DDR2: variants seen among roughly 807,000 people sequenced by gnomAD.
DDR2 encodes the protein discoidin domain-containing receptor 2.
DDR2 carries 27 observed loss-of-function variants against 94.9 expected under a neutral mutation model. The ratio of observed to expected loss-of-function variants is 0.28; its 90% CI spans 0.21 to 0.39. The LOEUF (loss-of-function observed/expected upper bound fraction) is 0.39. DDR2 is among the 10% of genes least tolerant of loss of function. DDR2 has a pLI of 1.00. For missense variants in DDR2, 783 were observed against 1,076.0 expected (o/e 0.73, Z 3.81); for synonymous variants, 382 against 377.2 (o/e 1.01, Z -0.15).
intron 3 of DDR2, among the ~76,000 whole-genome samples, chr1:162,745,199 C>T (rs1022504688): frequency 3.3e-5 from 5 of 152,136 alleles, no homozygotes; most frequent in Admixed American, 3.3e-4. Flanking sequence ...TGTTTCCTAT[C>T]AAGTTGTATG....
intron 2 of DDR2, among the ~76,000 whole-genome samples, chr1:162,699,609 T>C (rs1398609294): frequency 2.0e-5 from 3 of 152,222 alleles, no homozygotes; most frequent in African/African-American, 7.2e-5. Flanking sequence ...TTGGATACAG[T>C]TATGCCATTC....
At chr1:162,748,451 CTA>C (rs1241281592) in intron 3 of DDR2, among the ~76,000 whole-genome samples, 2 of 152,242 alleles carry the variant, frequency 1.3e-5, no homozygotes, top group South Asian at 2.1e-4. Context: ...GAAGAGCTAA[CTA>C]TCCTAAATAT....
At chr1:162,746,741 A>T (rs772307571) in intron 3 of DDR2, among the ~76,000 whole-genome samples, 1 of 152,220 alleles carries the variant, frequency 6.6e-6, no homozygotes, top group Admixed American at 6.5e-5. Context: ...CAGACACCTC[A>T]TACAGCTGGG....
intron 3 of DDR2, among the ~76,000 whole-genome samples, chr1:162,724,489 T>C (rs1287149747): frequency 6.6e-6 from 1 of 152,124 alleles, no homozygotes; most frequent in African/African-American, 2.4e-5. Flanking sequence ...ACCCAGAAAC[T>C]GAAGCACCAG....
intron 3 of DDR2, among the ~76,000 whole-genome samples, chr1:162,729,108 A>C (rs1661867191): frequency 6.6e-6 from 1 of 150,860 alleles, no homozygotes; most frequent in Non-Finnish European, 1.5e-5. Context: ...CAAGCAGATG[A>C]TGCAGGAGGA....
chr1:162,740,610 A>G (rs542950820), intron 3 of DDR2, among the ~76,000 whole-genome samples: 2 of 152,164 alleles, frequency 1.3e-5, no homozygotes, highest in Non-Finnish European at 2.9e-5. Context: ...CCTTTTGCAT[A>G]CTTTTTCTTC....
intron 2 of DDR2, among the ~76,000 whole-genome samples, chr1:162,661,493 C>G (rs1421579610): frequency 6.6e-6 from 1 of 152,152 alleles, no homozygotes; most frequent in Non-Finnish European, 1.5e-5. Context: ...CCACCTGTCT[C>G]TTATTTGGGT....
intron 3 of DDR2, among the ~76,000 whole-genome samples, chr1:162,749,074 T>C (rs562403608): frequency 2.6e-5 from 4 of 151,918 alleles, no homozygotes; most frequent in Non-Finnish European, 5.9e-5. Context: ...AAATTGACAC[T>C]CTAACATCAC....
intron 16 of DDR2, 57 bp from the exon 17 acceptor site, chr1:162,778,523 A>G (rs2102205409): frequency 6.2e-7 from 1 of 1,605,638 alleles, no homozygotes; most frequent in East Asian, 2.2e-5. Context: ...GAAATTTAAC[A>G]GGGTGTTGTT....
rs190639601 is a variant in DDR2, at chr1:162,755,789, A to T, written c.671+20A>T. 375 of 1,600,014 alleles carry T rather than the reference A, an allele frequency of 2.3e-4. 5 individuals are homozygous for T. In the East Asian group the frequency reaches 8.2e-3, roughly 35 times the overall value. On this transcript the variant is annotated intron_variant, in intron 7 of 17. Transcript: ENST00000367921. The stretch of plus-strand genomic sequence containing the variant: ...ATACAGGTAAATCCTGGGAAACTTT[A>T]TTAGAATGGGAAATTGGCCACTAAG...
chr1:162,640,469 G>A (rs1657075146), intron 1 of DDR2, among the ~76,000 whole-genome samples: 1 of 152,116 alleles, frequency 6.6e-6, no homozygotes, highest in African/African-American at 2.4e-5. Context: ...GGGTGTATAT[G>A]GGAACAATCT....
At position 162,781,726 on chromosome 1, in the gene DDR2, G is replaced by A. The variant is rs188833676; in HGVS notation, c.*1480G>A. ...TGGAAACAGAGCCACTGTCAAGAAGGAATCTGCTCAGAGCAGATTCTGAGT... is the reference window on the plus strand; with the variant it reads ...TGGAAACAGAGCCACTGTCAAGAAGAAATCTGCTCAGAGCAGATTCTGAGT... On this transcript the variant is annotated 3_prime_UTR_variant, in exon 18 of 18. Coordinates refer to ENST00000367921, the MANE Select transcript of DDR2 (RefSeq NM_006182.4). 7 of 152,160 alleles carry A rather than the reference G, an allele frequency of 4.6e-5. 1 individual carries two copies. Among genetic ancestry groups the A allele is most frequent in the African/African-American group, 9.7e-5 (4 of 41,436 alleles). 9.4% of individuals were successfully genotyped at this position (152,160 alleles called of 1,614,324 possible).
chr1:162,729,300 A>G lies in DDR2; in HGVS notation c.82+10155A>G, dbSNP rs199847578. On this transcript the variant is annotated intron_variant, in intron 3 of 17. Coordinates refer to ENST00000367921, the MANE Select transcript of DDR2 (RefSeq NM_006182.4). ...TCCATTTATATATATATATATATATATTTTTTTTTTTTTTTTTTTTCCTTG... is the reference window on the plus strand; with the variant it reads ...TCCATTTATATATATATATATATATGTTTTTTTTTTTTTTTTTTTTCCTTG... Among the ~76,000 whole-genome samples the G allele has an allele frequency of 2.8e-3, 259 of 93,998 alleles. 5 individuals are homozygous for G. Among genetic ancestry groups the G allele is most frequent in the African/African-American group, 0.013 (248 of 18,918 alleles). 61.7% of individuals were successfully genotyped at this position (93,998 alleles called of 152,430 possible). A position where few individuals can be genotyped will look rare whatever the true frequency, so the allele number is the denominator to read the frequency against.
intron 2 of DDR2, among the ~76,000 whole-genome samples, chr1:162,718,067 T>C (rs888761911): frequency 9.8e-5 from 15 of 152,352 alleles, no homozygotes; most frequent in African/African-American, 3.6e-4. Context: ...CAATCATTAA[T>C]TTATAGCAGC....
At chr1:162,719,179 G>T in intron 3 of DDR2, 34 bp downstream of exon 3, 1 of 1,613,330 alleles carries the variant, frequency 6.2e-7, no homozygotes, top group South Asian at 1.1e-5. Context: ...TATGCTAGAA[G>T]ACCAGCAGAA....
chr1:162,636,897 C>G (rs1281101503), intron 1 of DDR2, among the ~76,000 whole-genome samples: 1 of 151,790 alleles, frequency 6.6e-6, no homozygotes, highest in African/African-American at 2.4e-5. Context: ...TCTTATGAAT[C>G]CAAAAAAACA....
At chr1:162,689,195 C>T (rs1280499557) in intron 2 of DDR2, among the ~76,000 whole-genome samples, 1 of 152,166 alleles carries the variant, frequency 6.6e-6, no homozygotes, top group Non-Finnish European at 1.5e-5. Context: ...GAGACAACAG[C>T]ACTCTGTCAT....
In DDR2 at chr1:162,778,748, G is replaced by T. The variant is rs1297974185; in HGVS notation, c.2433+19G>T. ...GAGGCAGGTAAGAACTGTTGGGGAT[G>T]AATGGATGTGGACCTGTGTACCTTG... On this transcript the variant is annotated intron_variant, in intron 17 of 17. Transcript: ENST00000367921. 1 of 1,613,682 alleles carries T rather than the reference G, an allele frequency of 6.2e-7. No homozygotes were observed.
Position 162,767,264 on chromosome 1 carries a change from A to C in DDR2, c.1198A>C (p.Ile400Leu), listed in dbSNP as rs1479107886. The change falls in exon 11 of 18, where the codon ATC becomes CTC. Residue 400 changes from isoleucine (I) to leucine (L), a missense_variant. Ile to Leu is a conservative substitution (Grantham distance 5, BLOSUM62 2). Coordinates refer to ENST00000367921, the MANE Select transcript of DDR2 (RefSeq NM_006182.4). Reference sequence around the variant, plus strand: ...TAAAGTTGATGACAGCAACACTCGGATCCTGATTGGCTGCTTGGTGGCCAT... The same window carrying C: ...TAAAGTTGATGACAGCAACACTCGGCTCCTGATTGGCTGCTTGGTGGCCAT... ...MLKVDDSNTRILIGCLVAIIF... is the reference protein window; with the variant it reads ...MLKVDDSNTRLLIGCLVAIIF... 2 of 1,614,050 alleles carry C rather than the reference A, an allele frequency of 1.2e-6. No homozygotes were observed. The highest frequency in any genetic ancestry group is 2.2e-5 in the South Asian group (2 of 91,076).
Sources: allele counts gnomAD v4.1 joint callset (sites outside exome capture counted in the v4.1 genomes callset), GRCh38; gene constraint gnomAD v4.1.1; transcripts MANE v1.5; gene names NCBI Gene and HGNC (gene_info 2026-07-23, HGNC 2026-07-21).